Variants in BCL7B observed in about 807,000 individuals in gnomAD.
The protein encoded by BCL7B is BAF chromatin remodeling complex subunit BCL7B, also known as B-cell CLL/lymphoma 7 protein family member B.
A neutral mutation model predicts 26.5 loss-of-function variants in BCL7B; 11 were observed. The observed-to-expected ratio is 0.42, with a 90% confidence interval of 0.26 to 0.69. BCL7B has a LOEUF of 0.69. Ranked by LOEUF, BCL7B falls within the 30% of genes least tolerant of loss-of-function variation. The pLI, the probability that BCL7B is intolerant of heterozygous loss-of-function variation, is 0.28. For synonymous variants in BCL7B, 111 were observed against 107.9 expected (o/e 1.03, Z -0.18); for missense variants, 215 against 264.4 (o/e 0.81, Z 1.30).
intron 2 of BCL7B, among the ~76,000 whole-genome samples, chr7:73,551,204 T>A (rs1792155492): frequency 6.6e-6 from 1 of 152,250 alleles, no homozygotes; most frequent in Admixed American, 6.5e-5. Context: ...ACGGGCCATT[T>A]GGCCTTATGG....
intron 2 of BCL7B, among the ~76,000 whole-genome samples, chr7:73,548,006 G>C (rs78044035): frequency 6.6e-6 from 1 of 152,018 alleles, no homozygotes; most frequent in Non-Finnish European, 1.5e-5. Flanking sequence ...TGTAGTTTCA[G>C]CTACTGGGAG....
chr7:73,541,935 G>A (rs1791785138), intron 3 of BCL7B, among the ~76,000 whole-genome samples: 1 of 152,178 alleles, frequency 6.6e-6, no homozygotes, highest in African/African-American at 2.4e-5. Flanking sequence ...CTGCCCAGCT[G>A]TTCCTTGGCT....
chr7:73,552,242 C>A lies in BCL7B; in HGVS notation c.93G>T (p.Trp31Cys). 1.9e-6 allele frequency: 3 copies of A among 1,607,766 alleles called. No individual in the cohort carries two copies. Among genetic ancestry groups the A allele is most frequent in the Non-Finnish European group, 2.5e-6 (3 of 1,177,942 alleles). The stretch of plus-strand genomic sequence containing the variant: ...CACCCACAGTCACCCACTTCTTCTC[C>A]CTAAAAGAAAGACACTTCTTAGAAC... The part of the protein sequence containing the change: ...VMAAIEKVRK[W>C]EKKWVTVGDT... The change falls in exon 2 of 6, where the codon TGG (tryptophan) becomes TGT (cysteine). Residue 31 changes from tryptophan to cysteine, a missense_variant and splice_region_variant. By Grantham distance (215) the Trp-to-Cys change is radical. Coordinates refer to ENST00000223368, the MANE Select transcript of BCL7B (RefSeq NM_001707.4).
At chr7:73,547,460 CA>C (rs1465641259) in intron 2 of BCL7B, among the ~76,000 whole-genome samples, 1 of 148,648 alleles carries the variant, frequency 6.7e-6, no homozygotes, top group Non-Finnish European at 1.5e-5. Context: ...GAGACAGTCT[CA>C]AAAAAAAAGG....
intron 1 of BCL7B, among the ~76,000 whole-genome samples, chr7:73,555,128 A>G (rs115426108): frequency 0.012 from 1,876 of 152,162 alleles, 38 homozygotes; most frequent in African/African-American, 0.043. Flanking sequence ...ACAGGAGGCC[A>G]GGCACAGTGG....
intron 4 of BCL7B, among the ~76,000 whole-genome samples, chr7:73,538,461 G>C (rs1320764344): frequency 2.0e-5 from 3 of 152,136 alleles, no homozygotes; most frequent in South Asian, 4.1e-4. Context: ...GCTGTTAACA[G>C]GTCACAGCAC....
At chr7:73,537,828 T>C in intron 5 of BCL7B, 106 bp downstream of exon 5, 2 of 735,412 alleles carry the variant, frequency 2.7e-6, no homozygotes, top group South Asian at 4.5e-5. Context: ...GCAGTGGAGG[T>C]TGTAGTGAGC....
rs370899583 is a variant in BCL7B at position 73,544,926 on chromosome 7, G to A, written c.169-1282C>T. ...AATAAAAAATGAGCCATGTATGGTG[G>A]CATAGGCTGGTGGTCCCAGCTACTG... On this transcript the variant is annotated intron_variant, in intron 2 of 5. Coordinates refer to ENST00000223368, the MANE Select transcript of BCL7B (RefSeq NM_001707.4). Among the ~76,000 whole-genome samples, 26 of 152,128 alleles carry A rather than the reference G, an allele frequency of 1.7e-4. No homozygotes were observed. In the East Asian group the frequency reaches 4.3e-3, roughly 25 times the overall value.
intron 1 of BCL7B, chr7:73,557,064 A>C: frequency 1.0e-6 from 1 of 988,234 alleles, no homozygotes; most frequent in Non-Finnish European, 1.2e-6. Context: ...CTGAATACGC[A>C]GAGCGCTCAG....
At chr7:73,557,395 G>A (rs1792413453) in intron 1 of BCL7B, 92 bp downstream of exon 1, 1 of 1,023,056 alleles carries the variant, frequency 9.8e-7, no homozygotes, top group Middle Eastern at 4.5e-4. Flanking sequence ...CCCCAGCGCC[G>A]GCCGGTCGGC....
At chr7:73,555,786 G>A (rs1792338310) in intron 1 of BCL7B, among the ~76,000 whole-genome samples, 1 of 152,192 alleles carries the variant, frequency 6.6e-6, no homozygotes. Flanking sequence ...TCACTGTGTT[G>A]CCCAGGCTGG....
At chr7:73,540,823 CTG>C (rs368082083) in intron 3 of BCL7B, among the ~76,000 whole-genome samples, 995 of 77,334 alleles carry the variant, frequency 0.013, 22 homozygotes, top group African/African-American at 0.054. Flanking sequence ...GAGCGAGACT[CTG>C]TCTCAAAAAA....
chr7:73,550,909 G>A (rs973875993), intron 2 of BCL7B, among the ~76,000 whole-genome samples: 5 of 151,914 alleles, frequency 3.3e-5, no homozygotes, highest in African/African-American at 7.2e-5. Flanking sequence ...CGCCCGTCTC[G>A]GCCTCCCAAA....
At chr7:73,541,496 T>G (rs1791770640) in intron 3 of BCL7B, among the ~76,000 whole-genome samples, 1 of 151,434 alleles carries the variant, frequency 6.6e-6, no homozygotes, top group Non-Finnish European at 1.5e-5. Flanking sequence ...AGACCGAGTT[T>G]CGCTCTTGTT....
intron 2 of BCL7B, among the ~76,000 whole-genome samples, chr7:73,550,770 G>GC (rs1792135319): frequency 6.6e-6 from 1 of 151,232 alleles, no homozygotes; most frequent in Admixed American, 6.6e-5. Flanking sequence ...CCATTCTCCT[G>GC]CCTCAGCCTC....
intron 1 of BCL7B, among the ~76,000 whole-genome samples, chr7:73,555,883 G>A (rs1293273070): frequency 6.6e-6 from 1 of 152,102 alleles, no homozygotes; most frequent in Non-Finnish European, 1.5e-5. Flanking sequence ...ATAAGGCTGT[G>A]CACTTTAAAA....
In BCL7B at chr7:73,537,303, T is replaced by C. The variant is rs782548045; in HGVS notation, c.604A>G (p.Ser202Gly). ...QPTVPQTASE[S>G] ...GGCGGAGGGCCGGGATGGTGCTAGCTTTCTGACGCCGTCTGCGGCACTGTG... is the reference window on the plus strand; with the variant it reads ...GGCGGAGGGCCGGGATGGTGCTAGCCTTCTGACGCCGTCTGCGGCACTGTG... The change falls in exon 6 of 6, where the codon AGC (serine) becomes GGC (glycine). Residue 202 changes from serine (S) to glycine (G), a missense_variant. Physicochemically the swap from Ser to Gly is moderately conservative, Grantham distance 56 (BLOSUM62 0). Transcript: ENST00000223368. 2 of 1,614,054 alleles carry C rather than the reference T, an allele frequency of 1.2e-6. No homozygotes were observed. The highest frequency in any genetic ancestry group is 1.7e-6 in the Non-Finnish European group (2 of 1,179,948).
intron 2 of BCL7B, among the ~76,000 whole-genome samples, chr7:73,547,584 A>G (rs782370988): frequency 1.3e-5 from 2 of 152,242 alleles, no homozygotes; most frequent in African/African-American, 2.4e-5. Flanking sequence ...AAGCATGGGA[A>G]TAACATCACA....
At chr7:73,553,970 CT>C (rs34326622) in intron 1 of BCL7B, among the ~76,000 whole-genome samples, 3,389 of 127,826 alleles carry the variant, frequency 0.027, 47 homozygotes, top group African/African-American at 0.051. Context: ...ACAAAGGAGA[CT>C]TTTTTTTTTT....
Sources: gnomAD v4.1 joint callset for allele counts (sites outside exome capture counted in the v4.1 genomes callset) on GRCh38, gnomAD v4.1.1 for gene constraint, MANE v1.5 for transcripts, NCBI Gene and HGNC (gene_info 2026-07-23, HGNC 2026-07-21) for gene names.